LDLRAD4: variants seen among roughly 807,000 people sequenced by gnomAD.
The protein encoded by LDLRAD4 is low density lipoprotein receptor class A domain containing 4.
LDLRAD4 carries 5 observed loss-of-function variants against 17.0 expected under a neutral mutation model. That is an observed-to-expected ratio of 0.29 (90% CI 0.15 to 0.62). The LOEUF (loss-of-function observed/expected upper bound fraction) is 0.62. LDLRAD4 is among the 20% of genes least tolerant of loss of function. The pLI is 0.84. For missense variants in LDLRAD4, 340 were observed against 424.7 expected (o/e 0.80, Z 1.75); for synonymous variants, 168 against 171.8 (o/e 0.98, Z 0.17).
At chr18:13,600,050 GA>G (rs1159445312) in intron 3 of LDLRAD4, among the ~76,000 whole-genome samples, 1 of 152,182 alleles carries the variant, frequency 6.6e-6, no homozygotes, top group Non-Finnish European at 1.5e-5. Context: ...CTGAGCAAAT[GA>G]AGCAATCCTC....
In LDLRAD4 at chr18:13,504,732, A is replaced by G. The variant is rs531005285; in HGVS notation, c.181+66348A>G. Among the ~76,000 whole-genome samples the G allele has an allele frequency of 2.0e-5, 3 of 152,286 alleles. No individual in the cohort carries two copies. In the East Asian group the frequency reaches 5.8e-4, roughly 29 times the overall value. On this transcript the variant is annotated intron_variant, in intron 3 of 5. Transcript: ENST00000359446. Reference sequence around the variant, plus strand: ...CATGAAAGAACCACCCCACTTGGCCATTCTGTATTTTTAGAATACACACTT... The same window carrying G: ...CATGAAAGAACCACCCCACTTGGCCGTTCTGTATTTTTAGAATACACACTT...
At chr18:13,457,448 G>A (rs1352242940) in intron 3 of LDLRAD4, among the ~76,000 whole-genome samples, 5 of 152,174 alleles carry the variant, frequency 3.3e-5, no homozygotes, top group Non-Finnish European at 5.9e-5. Context: ...GCTTCTTGAT[G>A]TCAGCTTTCT....
At chr18:13,225,425 T>C (rs1227451887) in intron 1 of LDLRAD4, among the ~76,000 whole-genome samples, 1 of 152,248 alleles carries the variant, frequency 6.6e-6, no homozygotes, top group Non-Finnish European at 1.5e-5. Flanking sequence ...TCCCACATGT[T>C]GCAGGGCATT....
intron 1 of LDLRAD4, among the ~76,000 whole-genome samples, chr18:13,309,092 A>G (rs2047079068): frequency 6.6e-6 from 1 of 152,232 alleles, no homozygotes; most frequent in African/African-American, 2.4e-5. Context: ...ATCACCAAAG[A>G]TGAAAAACTA....
chr18:13,465,907 A>T (rs148597562), intron 3 of LDLRAD4, among the ~76,000 whole-genome samples: 1 of 152,056 alleles, frequency 6.6e-6, no homozygotes, highest in African/African-American at 2.4e-5. Flanking sequence ...CTTTTTTGCC[A>T]TATTATTTTC....
At chr18:13,234,157 C>T (rs929377331) in intron 1 of LDLRAD4, among the ~76,000 whole-genome samples, 9 of 152,352 alleles carry the variant, frequency 5.9e-5, no homozygotes, top group East Asian at 1.9e-4. Flanking sequence ...CCTCCCCACC[C>T]GCGATGGTCT....
intron 3 of LDLRAD4, among the ~76,000 whole-genome samples, chr18:13,619,725 G>A (rs1247289225): frequency 6.6e-6 from 1 of 152,136 alleles, no homozygotes; most frequent in Non-Finnish European, 1.5e-5. Context: ...GCCAGCTTCG[G>A]GAGCTGCTCA....
intron 3 of LDLRAD4, among the ~76,000 whole-genome samples, chr18:13,527,737 C>T (rs1253362198): frequency 6.6e-6 from 1 of 152,176 alleles, no homozygotes. Context: ...ATGGCCCAAG[C>T]AGTCCTACAT....
intron 1 of LDLRAD4, among the ~76,000 whole-genome samples, chr18:13,305,125 A>T (rs2046834529): frequency 6.6e-6 from 1 of 152,186 alleles, no homozygotes; most frequent in Non-Finnish European, 1.5e-5. Context: ...AAAGTTAGGC[A>T]TGTCATGAAT....
intron 1 of LDLRAD4, among the ~76,000 whole-genome samples, chr18:13,308,866 G>C (rs964487720): frequency 6.6e-6 from 1 of 152,164 alleles, no homozygotes; most frequent in African/African-American, 2.4e-5. Flanking sequence ...TGCCAGGCTG[G>C]AGTTTTGATG....
At chr18:13,263,252 G>A (rs565041205) in intron 1 of LDLRAD4, among the ~76,000 whole-genome samples, 2 of 151,514 alleles carry the variant, frequency 1.3e-5, no homozygotes, top group East Asian at 1.9e-4. Context: ...GCGGCTCTGC[G>A]TGGAAACCGA....
intron 3 of LDLRAD4, among the ~76,000 whole-genome samples, chr18:13,499,459 CCTT>C (rs1283297266): frequency 6.8e-6 from 1 of 147,124 alleles, no homozygotes; most frequent in Non-Finnish European, 1.5e-5. Flanking sequence ...ACTGGAGAAT[CCTT>C]CTACTCACAC....
chr18:13,227,271 C>G (rs2041858670), intron 1 of LDLRAD4, among the ~76,000 whole-genome samples: 1 of 152,182 alleles, frequency 6.6e-6, no homozygotes, highest in African/African-American at 2.4e-5. Context: ...AATCACTTTA[C>G]TAGGTGGTGA....
intron 4 of LDLRAD4, among the ~76,000 whole-genome samples, chr18:13,625,086 T>C (rs925791019): frequency 1.4e-4 from 21 of 152,310 alleles, no homozygotes; most frequent in African/African-American, 4.8e-4. Context: ...TGGATGCTCC[T>C]CCTGTCCCCT....
Position 13,612,692 on chromosome 18 carries a change from A to T in LDLRAD4, c.182-8425A>T, listed in dbSNP as rs541440918. 8.1e-6 allele frequency: 13 copies of T among 1,613,938 alleles called. No homozygotes were observed. In the South Asian group the frequency reaches 1.4e-4, roughly 18 times the overall value. ...GCGTCACAGTTGGACTCCCACTTGCAGAGGACCTGATTATGTCCAGTGACC... is the reference window on the plus strand; with the variant it reads ...GCGTCACAGTTGGACTCCCACTTGCTGAGGACCTGATTATGTCCAGTGACC... On this transcript the variant is annotated intron_variant, in intron 3 of 5. Transcript: ENST00000359446.
intron 4 of LDLRAD4, among the ~76,000 whole-genome samples, chr18:13,641,150 A>G (rs2042516662): frequency 2.0e-5 from 3 of 152,224 alleles, no homozygotes; most frequent in African/African-American, 7.2e-5. Context: ...TGAATTTCCC[A>G]GAGAGGAGGA....
chr18:13,572,449 GAT>G (rs1415666990), intron 3 of LDLRAD4, among the ~76,000 whole-genome samples: 2 of 152,210 alleles, frequency 1.3e-5, no homozygotes, highest in African/African-American at 4.8e-5. Flanking sequence ...TGGTTTAGCA[GAT>G]AAAGAGAATC....
chr18:13,452,082 G>A (rs927846996), intron 3 of LDLRAD4, among the ~76,000 whole-genome samples: 5 of 152,224 alleles, frequency 3.3e-5, no homozygotes, highest in African/African-American at 1.2e-4. Flanking sequence ...TATGGTGAAC[G>A]TGGCGTGTGC....
chr18:13,588,491 T>A (rs1257313348), intron 3 of LDLRAD4, among the ~76,000 whole-genome samples: 1 of 152,206 alleles, frequency 6.6e-6, no homozygotes, highest in African/African-American at 2.4e-5. Context: ...TGGGGCTTCA[T>A]TAAGGAATGT....
Sources: gnomAD v4.1 joint callset for allele counts (sites outside exome capture counted in the v4.1 genomes callset) on GRCh38, gnomAD v4.1.1 for gene constraint, MANE v1.5 for transcripts, NCBI Gene and HGNC (gene_info 2026-07-23, HGNC 2026-07-21) for gene names.